The following PCGF5 variants were observed in gnomAD, a reference collection of about 807,000 sequenced individuals.
PCGF5 encodes polycomb group RING finger protein 5.
Under a neutral mutation model 44.3 loss-of-function variants are expected in PCGF5, and 9 were observed. That is an observed-to-expected ratio of 0.20 (90% CI 0.12 to 0.35). The LOEUF (loss-of-function observed/expected upper bound fraction) is 0.35. PCGF5 is among the 10% of genes least tolerant of loss of function. PCGF5 has a pLI of 1.00. For missense variants in PCGF5, 146 were observed against 305.3 expected (o/e 0.48, Z 3.89); for synonymous variants, 95 against 102.5 (o/e 0.93, Z 0.44).
At chr10:91,271,346 C>G (rs1447449317) in intron 8 of PCGF5, among the ~76,000 whole-genome samples, 4 of 151,808 alleles carry the variant, frequency 2.6e-5, no homozygotes, top group African/African-American at 9.7e-5. Flanking sequence ...TGAGATTTTC[C>G]CAGGAAATAG....
intron 1 of PCGF5, among the ~76,000 whole-genome samples, chr10:91,210,881 C>T (rs988676871): frequency 1.3e-5 from 2 of 152,218 alleles, no homozygotes; most frequent in Non-Finnish European, 2.9e-5. Context: ...CACCTATTCT[C>T]TCATTTAAAT....
chr10:91,215,892 T>A (rs1844530921), upstream of PCGF5, among the ~76,000 whole-genome samples: 1 of 152,232 alleles, frequency 6.6e-6, no homozygotes, highest in African/African-American at 2.4e-5. Flanking sequence ...TACTCCCTGG[T>A]GTGATTTTAA....
chr10:91,174,831 G>A lies in PCGF5; in HGVS notation c.-184+11750G>A, dbSNP rs142174191. The stretch of plus-strand genomic sequence containing the variant: ...GACTTCAGATTAGAATTTGGTGGAT[G>A]GAACGCATGTGTTTACTGTCAGTCT... On this transcript the variant is annotated intron_variant, in intron 1 of 9. Coordinates refer to the PCGF5 transcript ENST00000614189. Among the ~76,000 whole-genome samples, 849 of 152,304 alleles carry A rather than the reference G, an allele frequency of 5.6e-3. 6 individuals are homozygous for A. Among genetic ancestry groups the A allele is most frequent in the African/African-American group, 0.019 (782 of 41,570 alleles).
chr10:91,261,777 A>G lies in PCGF5; in HGVS notation c.573+353A>G, dbSNP rs187706837. 1.2e-3 allele frequency among the ~76,000 whole-genome samples: 178 copies of G among 152,342 alleles called. 1 individual carries two copies. The highest frequency in any genetic ancestry group is 4.1e-3 in the African/African-American group (171 of 41,584). ...GAGATCTTTGAGATCCATTATTACC[A>G]ATTCTTTATAGACTTCTTCAGAATG... On this transcript the variant is annotated intron_variant, in intron 7 of 9. Coordinates refer to ENST00000336126, the MANE Select transcript of PCGF5 (RefSeq NM_032373.5).
At chr10:91,255,668 A>G (rs1246549935) in intron 6 of PCGF5, among the ~76,000 whole-genome samples, 1 of 152,112 alleles carries the variant, frequency 6.6e-6, no homozygotes, top group Non-Finnish European at 1.5e-5. Context: ...TTAGTTTAGG[A>G]CTGAAGAGCA....
chr10:91,249,400 T>C (rs1191299523), intron 5 of PCGF5, among the ~76,000 whole-genome samples: 1 of 143,360 alleles, frequency 7.0e-6, no homozygotes, highest in African/African-American at 2.5e-5. Context: ...TATATATATA[T>C]ATATATATAT....
intron 3 of PCGF5, among the ~76,000 whole-genome samples, chr10:91,247,502 G>T (rs1052378198): frequency 3.3e-5 from 5 of 151,176 alleles, no homozygotes; most frequent in East Asian, 1.9e-4. Context: ...AGGTTTTGGG[G>T]TTTTTTTTAA....
At chr10:91,247,177 A>G (rs772849224) in intron 3 of PCGF5, among the ~76,000 whole-genome samples, 29 of 152,048 alleles carry the variant, frequency 1.9e-4, no homozygotes, top group Admixed American at 1.2e-3. Flanking sequence ...GAAAGAACAG[A>G]CTTGAACATT....
At chr10:91,222,194 A>G (rs1844702135) in intron 1 of PCGF5, among the ~76,000 whole-genome samples, 1 of 152,230 alleles carries the variant, frequency 6.6e-6, no homozygotes, top group Non-Finnish European at 1.5e-5. Context: ...GCCTCGTAGC[A>G]GAATATAAGA....
intron 2 of PCGF5, chr10:91,227,448 T>A: frequency 1.6e-6 from 2 of 1,289,278 alleles, no homozygotes; most frequent in Non-Finnish European, 2.0e-6. Flanking sequence ...GCAAGAAATA[T>A]GCTCCATGCT....
chr10:91,270,819 A>G (rs926125010), intron 8 of PCGF5, among the ~76,000 whole-genome samples: 8 of 152,138 alleles, frequency 5.3e-5, no homozygotes, highest in African/African-American at 1.7e-4. Context: ...GAATTCATAT[A>G]TGCATAATTT....
At chr10:91,168,826 G>C (rs1186585813) in intron 1 of PCGF5, among the ~76,000 whole-genome samples, 2 of 150,358 alleles carry the variant, frequency 1.3e-5, no homozygotes, top group Admixed American at 1.3e-4. Flanking sequence ...TACTAGGGCT[G>C]CTGAGGCAGG....
At chr10:91,170,333 G>C (rs570188418) in intron 1 of PCGF5, among the ~76,000 whole-genome samples, 232 of 152,318 alleles carry the variant, frequency 1.5e-3, no homozygotes, top group African/African-American at 5.4e-3. Flanking sequence ...ATAAAAAGAT[G>C]AGCCACAGAC....
chr10:91,158,788 A>G (rs1312186844), upstream of PCGF5, among the ~76,000 whole-genome samples: 1 of 152,230 alleles, frequency 6.6e-6, no homozygotes, highest in Non-Finnish European at 1.5e-5. Context: ...AAGCTGGTAG[A>G]GTTGACACCC....
intron 2 of PCGF5, among the ~76,000 whole-genome samples, chr10:91,232,384 A>G (rs1469198615): frequency 6.6e-6 from 1 of 152,220 alleles, no homozygotes; most frequent in Non-Finnish European, 1.5e-5. Context: ...TGAAAAAAGA[A>G]TGGGAAGAGA....
chr10:91,201,347 T>TC (rs1161370451), intron 1 of PCGF5, among the ~76,000 whole-genome samples: 2 of 151,810 alleles, frequency 1.3e-5, no homozygotes, highest in African/African-American at 2.4e-5. Context: ...CCTATCATGG[T>TC]CCCCCCAGTG....
At chr10:91,206,369 T>A (rs1056412987) in intron 1 of PCGF5, among the ~76,000 whole-genome samples, 2 of 152,174 alleles carry the variant, frequency 1.3e-5, no homozygotes, top group African/African-American at 4.8e-5. Context: ...TCAGCCATGA[T>A]AAGCCACTTT....
chr10:91,242,868 T>C (rs1321447943), intron 3 of PCGF5, among the ~76,000 whole-genome samples: 1 of 152,202 alleles, frequency 6.6e-6, no homozygotes, highest in African/African-American at 2.4e-5. Context: ...ATGATTGCAT[T>C]GGTATAATAC....
chr10:91,254,860 T>C (rs1211762311), intron 6 of PCGF5, among the ~76,000 whole-genome samples: 1 of 152,094 alleles, frequency 6.6e-6, no homozygotes, highest in Non-Finnish European at 1.5e-5. Flanking sequence ...GGCTTATAGA[T>C]GCATATAGAG....
Sources: allele counts gnomAD v4.1 joint callset (sites outside exome capture counted in the v4.1 genomes callset), GRCh38; gene constraint gnomAD v4.1.1; transcripts MANE v1.5; gene names NCBI Gene and HGNC (gene_info 2026-07-23, HGNC 2026-07-21).